Variants in MRM3 observed in about 807,000 individuals in gnomAD.
MRM3 encodes mitochondrial rRNA methyltransferase 3.
A neutral mutation model predicts 29.4 loss-of-function variants in MRM3; 26 were observed. That is an observed-to-expected ratio of 0.89 (90% confidence interval 0.65 to 1.23). The LOEUF (loss-of-function observed/expected upper bound fraction) is 1.23, where lower values mean the gene tolerates loss of function less well. MRM3 is among the 50% of genes most tolerant of loss of function. The pLI is 0.00. For synonymous variants in MRM3, 225 were observed against 219.0 expected, an observed-to-expected ratio of 1.03 and a Z score of -0.24; for missense variants, 578 against 540.2, an observed-to-expected ratio of 1.07 and a Z score of -0.69.
Position 791,896 on chromosome 17 carries a change from C to G in MRM3, c.1090C>G (p.Leu364Val). The change falls in exon 4 of 4, where the codon CTG becomes GTG. Residue 364 changes from leucine (L) to valine (V), a missense_variant. Physicochemically the swap from Leu to Val is conservative, Grantham distance 32 (BLOSUM62 1). Transcript: ENST00000304478. ...VIGGETYGVS[L>V]ESLQLAESTG... ...TGGCGGGGAGACCTACGGCGTGAGC[C>G]TGGAGTCCCTGCAGCTGGCCGAGAG... is the stretch of plus-strand genomic sequence containing the variant. 1 of 1,613,934 alleles carries G rather than the reference C, an allele frequency of 6.2e-7. No individual in the cohort carries two copies. The highest frequency in any genetic ancestry group is 8.5e-7 in the Non-Finnish European group (1 of 1,180,036).
intron 2 of MRM3, among the ~76,000 whole-genome samples, chr17:786,343 C>G (rs577820935): frequency 2.0e-5 from 3 of 152,094 alleles, no homozygotes; most frequent in East Asian, 1.9e-4. Flanking sequence ...GCGTGATCTC[C>G]GCTCATTGCA....
At position 782,635 on chromosome 17, in the gene MRM3, C is replaced by G. The variant is rs756088212; in HGVS notation, c.257C>G (p.Thr86Ser). 2 of 1,613,702 alleles carry G rather than the reference C, an allele frequency of 1.2e-6. No homozygotes were observed. Among genetic ancestry groups the G allele is most frequent in the Non-Finnish European group, 1.7e-6 (2 of 1,179,790 alleles). The change falls in exon 1 of 4, where the codon ACC (threonine) becomes AGC (serine). Residue 86 changes from threonine to serine, a missense_variant. Coordinates refer to ENST00000304478, the MANE Select transcript of MRM3 (RefSeq NM_018146.4). ...GAGTCCGCATCCCGCGCTCCCAGCA[C>G]CTGGGAAGAGTCTGGGCTTCGCTAC... ...LEESASRAPS[T>S]WEESGLRYDK...
intron 2 of MRM3, among the ~76,000 whole-genome samples, chr17:784,113 T>C (rs1910418259): frequency 6.6e-6 from 1 of 152,232 alleles, no homozygotes; most frequent in Non-Finnish European, 1.5e-5. Context: ...CTTAACCTTA[T>C]GTAACTCCGA....
At chr17:783,422 C>G in intron 2 of MRM3, 95 bp downstream of exon 2, 1 of 1,266,964 alleles carries the variant, frequency 7.9e-7, no homozygotes, top group Non-Finnish European at 1.1e-6. Context: ...CTGCAACCTC[C>G]GCCTCTCGGG....
At chr17:790,751 C>A (rs1432960391) in intron 3 of MRM3, among the ~76,000 whole-genome samples, 1 of 93,106 alleles carries the variant, frequency 1.1e-5, no homozygotes, top group Non-Finnish European at 1.9e-5. Context: ...GCCACCACAC[C>A]CCCACCGGCT....
At chr17:789,441 G>T (rs1232324456) in intron 3 of MRM3, among the ~76,000 whole-genome samples, 2 of 152,194 alleles carry the variant, frequency 1.3e-5, no homozygotes, top group African/African-American at 4.8e-5. Context: ...CTTCTCATCA[G>T]AAATAGGGAT....
rs1452117840 is a variant in MRM3 at position 782,549 on chromosome 17, G to GCC, written c.174_175dup (p.Arg59ProfsTer47). ...AACAGAAGCGCGCTCCTGGGAAGCA[G>GCC]CCCCGCAAGGCACCATCTGAGGCCA... On this transcript the variant is annotated frameshift_variant, in exon 1 of 4. Coordinates refer to ENST00000304478, the MANE Select transcript of MRM3 (RefSeq NM_018146.4). LOFTEE classifies it high-confidence loss of function. 6.2e-7 allele frequency: 1 copy of GCC among 1,613,926 alleles called. No individual in the cohort carries two copies. Among genetic ancestry groups the GCC allele is most frequent in the Admixed American group, 1.7e-5 (1 of 60,036 alleles).
In MRM3 at chr17:791,286, G is replaced by T. The variant is rs1386769194; in HGVS notation, c.728-248G>T. On this transcript the variant is annotated intron_variant, in intron 3 of 3. Transcript: ENST00000304478. ...CTTTCATTATCTTTGCATCTTCTGC[G>T]CAGTGTCTGGCACGTGTGAATGGGA... 3.3e-5 allele frequency among the ~76,000 whole-genome samples: 5 copies of T among 152,054 alleles called. No individual in the cohort carries two copies. The East Asian group carries it at 9.7e-4, about 29-fold the overall frequency.
rs1050851092 is a variant in MRM3, at chr17:791,948, C to T, written c.1142C>T (p.Pro381Leu). ...ACTGGTGGCAAGAGGCTGCTGATCC[C>T]CGTTGTGCCTGGTGTGGACAGCCTC... ...ESTGGKRLLI[P>L]VVPGVDSLNS... The change falls in exon 4 of 4, where the codon CCC (proline) becomes CTC (leucine). Residue 381 changes from proline (P) to leucine (L), a missense_variant. Pro to Leu is a moderately conservative substitution (Grantham distance 98). Coordinates refer to ENST00000304478, the MANE Select transcript of MRM3 (RefSeq NM_018146.4). 1 of 1,614,062 alleles carries T rather than the reference C, an allele frequency of 6.2e-7. No individual in the cohort carries two copies. The highest frequency in any genetic ancestry group is 8.5e-7 in the Non-Finnish European group (1 of 1,180,038).
chr17:783,041 T>G, intron 1 of MRM3, 42 bp from the exon 2 acceptor site: 1 of 1,555,980 alleles, frequency 6.4e-7, no homozygotes, highest in Non-Finnish European at 8.6e-7. Flanking sequence ...GTAACAAGGA[T>G]GTTGATAGTT....
chr17:785,832 GT>G (rs1567799355), intron 2 of MRM3, among the ~76,000 whole-genome samples: 1 of 152,176 alleles, frequency 6.6e-6, no homozygotes, highest in African/African-American at 2.4e-5. Flanking sequence ...GCTAATAATT[GT>G]TTTTTAAATA....
In MRM3 at chr17:791,949, C is replaced by G. The variant is rs748381136; in HGVS notation, c.1143C>G (p.Pro381=). 1.9e-6 allele frequency: 3 copies of G among 1,614,074 alleles called. No homozygotes were observed. In the South Asian group the frequency reaches 3.3e-5, roughly 18 times the overall value. Residue 381 remains proline (P), a synonymous_variant, in exon 4 of 4, where the codon CCC becomes CCG. Coordinates refer to ENST00000304478, the MANE Select transcript of MRM3 (RefSeq NM_018146.4). The part of the protein sequence containing the change: ...ESTGGKRLLI[P]VVPGVDSLNS... ...CTGGTGGCAAGAGGCTGCTGATCCC[C>G]GTTGTGCCTGGTGTGGACAGCCTCA...
Position 783,176 on chromosome 17 carries a change from G to T in MRM3, c.408G>T (p.Lys136Asn). The change falls in exon 2 of 4, where the codon AAG becomes AAT. Residue 136 changes from lysine (K) to asparagine (N), a missense_variant. Transcript: ENST00000304478. ...GCAGGCTCATTTCAGACGCTCTCAA[G>T]GCTGGAGCTGTGCCAAAAATGTTCT... The part of the protein sequence containing the change: ...EGRRLISDAL[K>N]AGAVPKMFFF... 1 of 1,614,100 alleles carries T rather than the reference G, an allele frequency of 6.2e-7. No homozygotes were observed. Among genetic ancestry groups the T allele is most frequent in the Non-Finnish European group, 8.5e-7 (1 of 1,180,024 alleles).
At chr17:789,835 A>C (rs1910711024) in intron 3 of MRM3, 1 of 152,242 alleles carries the variant, frequency 6.6e-6, no homozygotes, top group Non-Finnish European at 1.5e-5. Flanking sequence ...ATAGGGAAAG[A>C]AGGTAGGAAA....
At position 782,669 on chromosome 17, in the gene MRM3, T is replaced by A; in HGVS notation, c.291T>A (p.Ala97=). 1 of 1,606,822 alleles carries A rather than the reference T, an allele frequency of 6.2e-7. No homozygotes were observed. Among genetic ancestry groups the A allele is most frequent in the Non-Finnish European group, 8.5e-7 (1 of 1,174,466 alleles). The change falls in exon 1 of 4, where the codon GCT becomes GCA. Residue 97 remains alanine, a synonymous_variant. Coordinates refer to ENST00000304478, the MANE Select transcript of MRM3 (RefSeq NM_018146.4). ...AGTCTGGGCTTCGCTACGATAAAGC[T>A]TATCCCGGGGACAGGAGGCTGAGGT... ...WEESGLRYDK[A]YPGDRRLSSV... is the part of the protein sequence containing the mutation.
chr17:783,160 T>C lies in MRM3; in HGVS notation c.392T>C (p.Ile131Thr), dbSNP rs1308062104. 1 of 1,614,168 alleles carries C rather than the reference T, an allele frequency of 6.2e-7. No homozygotes were observed. Among genetic ancestry groups the C allele is most frequent in the Non-Finnish European group, 8.5e-7 (1 of 1,180,024 alleles). ...ATCCTGCTGGAAGGTCGCAGGCTCA[T>C]TTCAGACGCTCTCAAGGCTGGAGCT... Reference protein sequence around the residue: ...GKILLEGRRLISDALKAGAVP... With the variant: ...GKILLEGRRLTSDALKAGAVP... Residue 131 changes from isoleucine to threonine, a missense_variant, in exon 2 of 4, where the codon ATT (isoleucine) becomes ACT (threonine). Ile to Thr is a moderately conservative substitution (Grantham distance 89, BLOSUM62 -1). Transcript: ENST00000304478.
chr17:786,313 G>A (rs552839818), intron 2 of MRM3, among the ~76,000 whole-genome samples: 4 of 152,236 alleles, frequency 2.6e-5, no homozygotes, highest in South Asian at 2.1e-4. Flanking sequence ...TCGATCTGTC[G>A]CCCAGGCGGG....
intron 3 of MRM3, among the ~76,000 whole-genome samples, chr17:788,472 C>CTT (rs56865712): frequency 0.014 from 1,723 of 121,004 alleles, 23 homozygotes; most frequent in East Asian, 0.046. Context: ...TTGGTCTGGT[C>CTT]TTTTTTTTTT....
chr17:789,136 C>G (rs1910680141), intron 3 of MRM3, among the ~76,000 whole-genome samples: 1 of 152,134 alleles, frequency 6.6e-6, no homozygotes, highest in South Asian at 2.1e-4. Context: ...TGTTTATTAT[C>G]TTTTAAAATT....
Sources: allele counts gnomAD v4.1 joint callset (sites outside exome capture counted in the v4.1 genomes callset), GRCh38; gene constraint gnomAD v4.1.1; transcripts MANE v1.5; gene names NCBI Gene and HGNC (gene_info 2026-07-23, HGNC 2026-07-21).